Variants in EP400 observed in about 807,000 individuals in gnomAD.
EP400 encodes E1A binding protein p400.
Under a neutral mutation model 354.1 loss-of-function variants are expected in EP400, and 105 were observed. That is an observed-to-expected ratio of 0.30 (90% confidence interval 0.25 to 0.35). EP400 has a LOEUF of 0.35. Ranked by LOEUF, EP400 falls within the 10% of genes least tolerant of loss-of-function variation. The probability of loss-of-function intolerance (pLI) is 1.00; values close to 1 mark genes in which losing one functional copy is unlikely to be tolerated. For synonymous variants in EP400, 1,646 were observed against 1,716.9 expected (o/e 0.96, Z 1.02); for missense variants, 3,280 against 4,121.0 (o/e 0.80, Z 5.59).
At chr12:131,979,211 CA>C (rs1227389562) in intron 2 of EP400, among the ~76,000 whole-genome samples, 5,871 of 76,314 alleles carry the variant, frequency 0.077, 112 homozygotes, top group Non-Finnish European at 0.097. Context: ...GACTCCGTCT[CA>C]AAAAAAAAAA....
At chr12:131,950,381 C>A (rs907829579) in intron 1 of EP400, among the ~76,000 whole-genome samples, 2 of 152,206 alleles carry the variant, frequency 1.3e-5, no homozygotes, top group African/African-American at 2.4e-5. Flanking sequence ...CCGGCCCGCG[C>A]CTCCTGGTTC....
Position 132,044,960 on chromosome 12 carries a change from A to G in EP400, c.6784+7A>G. ...CACAAAACAGACCCCTCAGGTGCGC[A>G]TCCCGAGGGCGTCACATGACCTGGG... On this transcript the variant is annotated splice_region_variant and intron_variant, in intron 37 of 52. Coordinates refer to ENST00000389561, the MANE Select transcript of EP400 (RefSeq NM_015409.5). The G allele has an allele frequency of 6.2e-7, 1 of 1,613,540 alleles. No homozygotes were observed. Among genetic ancestry groups the G allele is most frequent in the Non-Finnish European group, 8.5e-7 (1 of 1,179,896 alleles).
intron 2 of EP400, among the ~76,000 whole-genome samples, chr12:131,966,927 C>T (rs961589238): frequency 7.8e-6 from 1 of 128,542 alleles, no homozygotes; most frequent in Non-Finnish European, 1.6e-5. Context: ...AAAAAAAAAC[C>T]TATGTGTAGT....
In EP400 at chr12:132,015,992, C is replaced by T. The variant is rs142241786; in HGVS notation, c.3924-1543C>T. Among the ~76,000 whole-genome samples, 58 of 152,278 alleles carry T rather than the reference C, an allele frequency of 3.8e-4. 1 individual carries two copies. Among genetic ancestry groups the T allele is most frequent in the African/African-American group, 1.3e-3 (53 of 41,554 alleles). ...GACCAGACTCCCTACCTGCCCAGACCCCCCTGTGCTTGTGCCGGCCTCTCC... is the reference window on the plus strand; with the variant it reads ...GACCAGACTCCCTACCTGCCCAGACTCCCCTGTGCTTGTGCCGGCCTCTCC... On this transcript the variant is annotated intron_variant, in intron 19 of 52. Transcript: ENST00000389561.
At chr12:132,076,664 C>A in intron 52 of EP400, 71 bp downstream of exon 52, 2 of 1,373,864 alleles carry the variant, frequency 1.5e-6, no homozygotes, top group South Asian at 2.7e-5. Context: ...CATCTGAGGT[C>A]ATGATTAGGG....
rs913096283 is a variant in EP400, at chr12:132,036,180, G to C, written c.5952-1502G>C. 2.1e-5 allele frequency among the ~76,000 whole-genome samples: 3 copies of C among 145,824 alleles called. No individual in the cohort carries two copies. In the Admixed American group the frequency reaches 2.1e-4, roughly 10 times the overall value. ...GGAGCATCATGGAACAACACACCCA[G>C]GTTCACACGGAACGTCATGGAAGCA... On this transcript the variant is annotated intron_variant, in intron 30 of 52. Coordinates refer to ENST00000389561, the MANE Select transcript of EP400 (RefSeq NM_015409.5).
chr12:132,045,050 G>T, intron 37 of EP400, 97 bp downstream of exon 37: 1 of 1,518,998 alleles, frequency 6.6e-7, no homozygotes, highest in South Asian at 1.2e-5. Flanking sequence ...TCTGCTGTCT[G>T]CCTGTCTGCT....
Position 131,982,260 on chromosome 12 carries a change from C to G in EP400, c.1711C>G (p.Leu571Val). The change falls in exon 5 of 53, where the codon CTC becomes GTC. Residue 571 changes from leucine to valine, a missense_variant. Leu to Val is a conservative substitution (Grantham distance 32). Coordinates refer to ENST00000389561, the MANE Select transcript of EP400 (RefSeq NM_015409.5). ...LPPAGVPTAA[L>V]SSALQFAQQP... ...CCCAGCCGGTGTTCCCACTGCAGCC[C>G]TCTCCTCTGCGCTGCAGTTTGCACA... 6.2e-7 allele frequency: 1 copy of G among 1,614,200 alleles called. No individual in the cohort carries two copies. Among genetic ancestry groups the G allele is most frequent in the Non-Finnish European group, 8.5e-7 (1 of 1,180,034 alleles).
Position 132,077,719 on chromosome 12 carries a change from T to C in EP400, c.*46T>C. The C allele has an allele frequency of 6.6e-7, 1 of 1,523,942 alleles. No homozygotes were observed. Among genetic ancestry groups the C allele is most frequent in the East Asian group, 2.3e-5 (1 of 43,854 alleles). 94.4% of individuals were successfully genotyped at this position (1,523,942 alleles called of 1,614,324 possible). ...CTCATCTAAAGCAAAACTACCTTCC[T>C]CACAGAAAACGCTTTATTAGTGAAC... On this transcript the variant is annotated 3_prime_UTR_variant, in exon 53 of 53. Coordinates refer to ENST00000389561, the MANE Select transcript of EP400 (RefSeq NM_015409.5).
chr12:132,053,669 T>C, intron 43 of EP400, 72 bp downstream of exon 43: 1 of 1,404,652 alleles, frequency 7.1e-7, no homozygotes, highest in Non-Finnish European at 9.3e-7. Context: ...TTCAAGTGCT[T>C]TCTGTTGAAA....
At chr12:132,006,663 G>T in intron 14 of EP400, 37 bp from the exon 15 acceptor site, 1 of 1,543,484 alleles carries the variant, frequency 6.5e-7, no homozygotes, top group South Asian at 1.2e-5. Context: ...TGATTATTTT[G>T]ACGAGCTGTC....
chr12:131,966,010 C>G (rs1456086538), intron 2 of EP400, among the ~76,000 whole-genome samples: 1 of 149,422 alleles, frequency 6.7e-6, no homozygotes, highest in Non-Finnish European at 1.5e-5. Flanking sequence ...TGAAAGTATT[C>G]TGGTTTGGGT....
At chr12:132,019,564 G>A (rs972676280) in intron 21 of EP400, among the ~76,000 whole-genome samples, 5 of 152,052 alleles carry the variant, frequency 3.3e-5, no homozygotes, top group South Asian at 2.1e-4. Flanking sequence ...AAATCCAGGC[G>A]TGGTGGTGCA....
chr12:132,028,348 C>T (rs1894376567), intron 27 of EP400, 60 bp downstream of exon 27: 1 of 1,579,036 alleles, frequency 6.3e-7, no homozygotes, highest in African/African-American at 1.3e-5. Context: ...CCGGCAAGAC[C>T]CCTTCTTGTC....
In EP400 at chr12:131,961,128, T is replaced by A. The variant is rs370441818; in HGVS notation, c.509T>A (p.Phe170Tyr). ...TGCAGCAGCAGCCCTACAGGGGGCT[T>A]CGTGGATGCCAGCGTGCTGGTGAGG... is the stretch of plus-strand genomic sequence containing the variant. Reference protein sequence around the residue: ...GLCSSSPTGGFVDASVLVRQI... With the variant: ...GLCSSSPTGGYVDASVLVRQI... Residue 170 changes from phenylalanine to tyrosine, a missense_variant, in exon 2 of 53, where the codon TTC becomes TAC. Transcript: ENST00000389561. The A allele has an allele frequency of 9.3e-6, 15 of 1,611,872 alleles. No homozygotes were observed. Among genetic ancestry groups the A allele is most frequent in the Non-Finnish European group, 1.3e-5 (15 of 1,179,070 alleles).
At position 131,994,931 on chromosome 12, in the gene EP400, A is replaced by T. The variant is rs758978477; in HGVS notation, c.2802A>T (p.Thr934=). The stretch of plus-strand genomic sequence containing the variant: ...ATGAAGGCGTTGTGGACCACCAAAC[A>T]GAACTTTCTAATTTAGCCAAGGAAG... The part of the protein sequence containing the change: ...EANEGVVDHQ[T]ELSNLAKEAE... Residue 934 remains threonine, a synonymous_variant, in exon 12 of 53, where the codon ACA becomes ACT. Transcript: ENST00000389561. This position sits in a 1 kb window ranked among gnomAD's most constrained non-coding sequence, Gnocchi z 4.6. The T allele has an allele frequency of 2.0e-5, 32 of 1,613,994 alleles. No homozygotes were observed. The South Asian group carries it at 3.1e-4, about 16-fold the overall frequency.
In EP400 at chr12:132,067,356, C is replaced by T; in HGVS notation, c.8750-6C>T. 6.2e-7 allele frequency: 1 copy of T among 1,613,222 alleles called. No homozygotes were observed. Among genetic ancestry groups the T allele is most frequent in the African/African-American group, 1.3e-5 (1 of 75,052 alleles). On this transcript the variant is annotated splice_region_variant and splice_polypyrimidine_tract_variant and intron_variant, in intron 49 of 52. Coordinates refer to ENST00000389561, the MANE Select transcript of EP400 (RefSeq NM_015409.5). This position sits in a 1 kb window ranked among gnomAD's most constrained non-coding sequence, Gnocchi z 5.3. ...GTGCTGACTAAGGGGCTTTTGCTGC[C>T]TGCAGGACAGACCGTGGTGGCCCAG...
intron 51 of EP400, among the ~76,000 whole-genome samples, chr12:132,074,933 C>T (rs1197735559): frequency 2.6e-5 from 4 of 152,116 alleles, no homozygotes; most frequent in East Asian, 1.9e-4. Flanking sequence ...GGGGACCCCT[C>T]GCAGCCTGGG....
At chr12:132,058,045 G>A (rs1020111577) in intron 45 of EP400, among the ~76,000 whole-genome samples, 2 of 151,986 alleles carry the variant, frequency 1.3e-5, no homozygotes, top group African/African-American at 4.8e-5. Context: ...GATTGTACTC[G>A]GGGGACTCAG....
Sources: gnomAD v4.1 joint callset for allele counts (sites outside exome capture counted in the v4.1 genomes callset) on GRCh38, gnomAD v4.1.1 for gene constraint, Gnocchi (gnomAD v3.1) non-coding constraint, MANE v1.5 for transcripts, NCBI Gene and HGNC (gene_info 2026-07-23, HGNC 2026-07-21) for gene names.